Variants in SNTG2 observed in about 807,000 individuals in gnomAD.
SNTG2 encodes the protein syntrophin gamma 2, also known as gamma-2-syntrophin.
SNTG2 carries 74 observed loss-of-function variants against 70.9 expected under a neutral mutation model. That is an observed-to-expected ratio of 1.04 (90% confidence interval 0.86 to 1.27). The LOEUF (loss-of-function observed/expected upper bound fraction) is 1.27. SNTG2 is among the 50% of genes most tolerant of loss of function. The pLI is 0.00. For missense variants in SNTG2, 717 were observed against 690.7 expected (o/e 1.04, Z -0.43); for synonymous variants, 278 against 273.8 (o/e 1.02, Z -0.15).
Position 1,209,329 on chromosome 2 carries a change from C to G in SNTG2, c.719+99C>G. On this transcript the variant is annotated intron_variant, in intron 9 of 16. Transcript: ENST00000308624. ...GTTACTCCAGAGCGCTTGACTGTGA[C>G]ATTAGCAAGTGTGCGTGCTGTCTTC... The G allele has an allele frequency of 2.1e-5, 30 of 1,424,184 alleles. No homozygotes were observed. The South Asian group carries it at 3.6e-4, about 17-fold the overall frequency. 88.2% of individuals were successfully genotyped at this position (1,424,184 alleles called of 1,614,324 possible). A position where few individuals can be genotyped will look rare whatever the true frequency, so the allele number is the denominator to read the frequency against.
intron 8 of SNTG2, among the ~76,000 whole-genome samples, chr2:1,202,773 T>C (rs1673357233): frequency 6.6e-6 from 1 of 152,186 alleles, no homozygotes; most frequent in Admixed American, 6.5e-5. Context: ...ATCAGTCTAT[T>C]AATGTTTGAT....
At chr2:959,165 A>C (rs552252509) in intron 1 of SNTG2, among the ~76,000 whole-genome samples, 1 of 152,242 alleles carries the variant, frequency 6.6e-6, no homozygotes, top group African/African-American at 2.4e-5. Flanking sequence ...ATAAAGAGGA[A>C]AATCTAGTAG....
At chr2:998,155 T>C (rs1355111411) in intron 1 of SNTG2, among the ~76,000 whole-genome samples, 1 of 151,908 alleles carries the variant, frequency 6.6e-6, no homozygotes, top group African/African-American at 2.4e-5. Context: ...GGTGAAAAAA[T>C]TCATCCAAAT....
chr2:1,255,843 AATATATAT>A (rs1282426199), intron 12 of SNTG2, among the ~76,000 whole-genome samples: 1 of 32,434 alleles, frequency 3.1e-5, no homozygotes, highest in African/African-American at 1.5e-4. Flanking sequence ...AATATATATA[AATATATAT>A]AAATATATAT....
At chr2:991,265 C>T (rs1243174124) in intron 1 of SNTG2, among the ~76,000 whole-genome samples, 1 of 151,930 alleles carries the variant, frequency 6.6e-6, no homozygotes, top group African/African-American at 2.4e-5. Flanking sequence ...GGATGAATGC[C>T]ACAACCTCAA....
intron 6 of SNTG2, among the ~76,000 whole-genome samples, chr2:1,141,824 C>T (rs1243596466): frequency 6.6e-6 from 1 of 152,132 alleles, no homozygotes; most frequent in Non-Finnish European, 1.5e-5. Context: ...GTTTGGGGCC[C>T]TGAGACAAGT....
chr2:1,247,459 A>T lies in SNTG2; in HGVS notation c.1005+16A>T. 2 of 1,562,268 alleles carry T rather than the reference A, an allele frequency of 1.3e-6. No homozygotes were observed. The highest frequency in any genetic ancestry group is 8.8e-7 in the Non-Finnish European group (1 of 1,133,112). On this transcript the variant is annotated intron_variant, in intron 12 of 16. Coordinates refer to ENST00000308624, the MANE Select transcript of SNTG2 (RefSeq NM_018968.4). Reference sequence around the variant, plus strand: ...CACTCCTCCGGTAAGGATGCTTTTGACACTCCACAGGGAGGGGCTGCTGGG... The same window carrying T: ...CACTCCTCCGGTAAGGATGCTTTTGTCACTCCACAGGGAGGGGCTGCTGGG...
chr2:1,004,374 T>G (rs1157142563), intron 1 of SNTG2, among the ~76,000 whole-genome samples: 1 of 152,184 alleles, frequency 6.6e-6, no homozygotes, highest in Middle Eastern at 3.2e-3. Flanking sequence ...ATTGTTAAGA[T>G]AATGAAAAGA....
At chr2:1,365,550 T>C (rs1661431768) in intron 16 of SNTG2, among the ~76,000 whole-genome samples, 1 of 152,178 alleles carries the variant, frequency 6.6e-6, no homozygotes, top group Admixed American at 6.5e-5. Flanking sequence ...GGTGTTCCTC[T>C]GTGTTGAAGT....
intron 16 of SNTG2, among the ~76,000 whole-genome samples, chr2:1,361,673 A>G (rs1344962496): frequency 6.6e-6 from 1 of 152,260 alleles, no homozygotes; most frequent in African/African-American, 2.4e-5. Context: ...AACTTCCATG[A>G]AAGTCACCGA....
chr2:967,107 T>C (rs1266933732), intron 1 of SNTG2, among the ~76,000 whole-genome samples: 1 of 152,164 alleles, frequency 6.6e-6, no homozygotes, highest in Non-Finnish European at 1.5e-5. Context: ...TAGTCAAAAA[T>C]ATATATGAGA....
chr2:1,114,608 G>C (rs1438752934), intron 4 of SNTG2, among the ~76,000 whole-genome samples: 2 of 148,766 alleles, frequency 1.3e-5, no homozygotes, highest in Non-Finnish European at 2.9e-5. Context: ...TGTGTAGTAA[G>C]TGAGGTTTAA....
chr2:1,182,360 C>CAAAAAAAAAAAAAAAAA (rs10587246), intron 8 of SNTG2, among the ~76,000 whole-genome samples: 1 of 122,058 alleles, frequency 8.2e-6, no homozygotes. Flanking sequence ...TTAAAAATTT[C>CAAAAAAAAAAAAAAAAA]AAAAAAAAAA....
chr2:1,229,877 C>T (rs569045599), intron 9 of SNTG2, among the ~76,000 whole-genome samples: 15 of 152,348 alleles, frequency 9.8e-5, no homozygotes, highest in South Asian at 2.1e-4. Flanking sequence ...CCGGCAGGGC[C>T]GGCTGCTCCG....
intron 6 of SNTG2, among the ~76,000 whole-genome samples, chr2:1,149,708 A>T (rs68086419): frequency 7.0e-6 from 1 of 142,416 alleles, no homozygotes; most frequent in Non-Finnish European, 1.5e-5. Context: ...TTTTTTTTCA[A>T]ATGGAATCTG....
At chr2:1,061,104 C>A (rs997488905) in intron 1 of SNTG2, among the ~76,000 whole-genome samples, 5 of 151,766 alleles carry the variant, frequency 3.3e-5, no homozygotes, top group African/African-American at 1.2e-4. Flanking sequence ...AAAAAAGAGT[C>A]AAGATCAAGA....
intron 9 of SNTG2, among the ~76,000 whole-genome samples, chr2:1,217,922 G>A (rs1236792584): frequency 6.6e-6 from 1 of 152,036 alleles, no homozygotes; most frequent in South Asian, 2.1e-4. Context: ...GAGTCCGGCA[G>A]CTCCCGGCTG....
chr2:1,297,469 C>T (rs1680265686), intron 14 of SNTG2, among the ~76,000 whole-genome samples: 1 of 152,060 alleles, frequency 6.6e-6, no homozygotes, highest in African/African-American at 2.4e-5. Context: ...CTTGGAGTTG[C>T]ACAACACAGG....
intron 1 of SNTG2, among the ~76,000 whole-genome samples, chr2:1,050,412 T>C (rs1661990245): frequency 6.6e-6 from 1 of 152,186 alleles, no homozygotes; most frequent in Admixed American, 6.5e-5. Context: ...TTCCTATTTA[T>C]TGTAGAGATT....
Sources: allele counts gnomAD v4.1 joint callset (sites outside exome capture counted in the v4.1 genomes callset), GRCh38; gene constraint gnomAD v4.1.1; transcripts MANE v1.5; gene names NCBI Gene and HGNC (gene_info 2026-07-23, HGNC 2026-07-21).